Variants in TRAK1 observed in about 807,000 individuals in gnomAD.
TRAK1 encodes the protein trafficking kinesin-binding protein 1.
A neutral mutation model predicts 92.1 loss-of-function variants in TRAK1; 33 were observed. That is an observed-to-expected ratio of 0.36 (90% CI 0.27 to 0.48). The LOEUF is 0.48. Among genes scored for constraint, TRAK1 ranks in the 20% least tolerant of loss-of-function variants. TRAK1 has a pLI of 0.99. For synonymous variants in TRAK1, 521 were observed against 517.3 expected, an observed-to-expected ratio of 1.01 and a Z score of -0.10; for missense variants, 1,123 against 1,257.9, an observed-to-expected ratio of 0.89 and a Z score of 1.62.
rs1182611150 is a variant in TRAK1, at chr3:42,202,656, C to T, written c.1648C>T (p.His550Tyr). 1 of 1,613,122 alleles carries T rather than the reference C, an allele frequency of 6.2e-7. No individual in the cohort carries two copies. The highest frequency in any genetic ancestry group is 1.3e-5 in the African/African-American group (1 of 74,940). The change falls in exon 13 of 16, where the codon CAC (histidine) becomes TAC (tyrosine). Residue 550 changes from histidine (H) to tyrosine (Y), a missense_variant. Physicochemically the swap from His to Tyr is moderately conservative, Grantham distance 83 (BLOSUM62 2). Transcript: ENST00000327628. This position sits in a 1 kb window ranked among gnomAD's most constrained non-coding sequence, Gnocchi z 6.1. Reference protein sequence around the residue: ...PTESIMSLGTHSRFSEFTGFS... With the variant: ...PTESIMSLGTYSRFSEFTGFS... ...TGAGAGCATCATGTCCCTGGGCACG[C>T]ACTCCCGCTTCTCCGAGTTCACCGG...
chr3:42,037,246 A>G (rs931471192), intron 1 of TRAK1, among the ~76,000 whole-genome samples: 1 of 152,256 alleles, frequency 6.6e-6, no homozygotes, highest in African/African-American at 2.4e-5. Context: ...GTAACTGATT[A>G]GATAAGGTTC....
intron 1 of TRAK1, among the ~76,000 whole-genome samples, chr3:42,020,371 C>T (rs1004485936): frequency 6.6e-6 from 1 of 152,126 alleles, no homozygotes; most frequent in African/African-American, 2.4e-5. Context: ...ATAATTGTGC[C>T]TGTTTTGGGC....
chr3:42,217,083 T>TTCTC (rs1178020508), intron 14 of TRAK1, among the ~76,000 whole-genome samples: 2 of 150,996 alleles, frequency 1.3e-5, no homozygotes, highest in South Asian at 2.1e-4. Context: ...TGTTTTATGT[T>TTCTC]TCTCTCTCTC....
At chr3:42,128,409 A>G (rs759585066) in intron 2 of TRAK1, among the ~76,000 whole-genome samples, 1 of 152,176 alleles carries the variant, frequency 6.6e-6, no homozygotes, top group Non-Finnish European at 1.5e-5. Context: ...TTAATTCTGT[A>G]TCTTCTGTGG....
chr3:42,077,424 G>T (rs1187643286), intron 1 of TRAK1, among the ~76,000 whole-genome samples: 1 of 152,156 alleles, frequency 6.6e-6, no homozygotes, highest in Non-Finnish European at 1.5e-5. Context: ...AAGTAGCTGG[G>T]ATTACAGATG....
chr3:42,043,374 T>A (rs1372371769), intron 1 of TRAK1, among the ~76,000 whole-genome samples: 2 of 151,586 alleles, frequency 1.3e-5, no homozygotes, highest in Non-Finnish European at 1.5e-5. Context: ...TCCCTCACCC[T>A]CTTCTTTCCC....
intron 1 of TRAK1, among the ~76,000 whole-genome samples, chr3:42,056,841 T>C (rs1267329903): frequency 2.0e-5 from 3 of 152,268 alleles, no homozygotes; most frequent in Non-Finnish European, 2.9e-5. Flanking sequence ...TAGGCTATTC[T>C]ACATCCTTCT....
At chr3:42,182,417 C>CAG (rs1704150756) in intron 3 of TRAK1, among the ~76,000 whole-genome samples, 1 of 151,880 alleles carries the variant, frequency 6.6e-6, no homozygotes, top group African/African-American at 2.4e-5. Flanking sequence ...CTCAGCCTCC[C>CAG]GAGTCGCTGG....
chr3:42,059,009 T>C (rs1030693323), intron 1 of TRAK1, among the ~76,000 whole-genome samples: 1 of 152,256 alleles, frequency 6.6e-6, no homozygotes, highest in African/African-American at 2.4e-5. Context: ...TCCAGGTGTG[T>C]ATGCATGCGT....
chr3:42,030,373 AT>A (rs1232678106), intron 1 of TRAK1, among the ~76,000 whole-genome samples: 789 of 18,048 alleles, frequency 0.044, 8 homozygotes, highest in African/African-American at 0.073. Flanking sequence ...AAAAAAAAAA[AT>A]ATATATATAT....
At chr3:42,207,473 G>A (rs1164350915) in intron 13 of TRAK1, among the ~76,000 whole-genome samples, 1 of 152,140 alleles carries the variant, frequency 6.6e-6, no homozygotes, top group Non-Finnish European at 1.5e-5. Flanking sequence ...AAATGGGTTA[G>A]TTCTGAACCC....
chr3:42,035,568 C>T (rs75724733), intron 1 of TRAK1, among the ~76,000 whole-genome samples: 1,823 of 152,332 alleles, frequency 0.012, 18 homozygotes, highest in Non-Finnish European at 0.02. Flanking sequence ...GGAACCAGTA[C>T]GTTTTCCTGA....
chr3:42,187,405 T>A (rs752983788), intron 4 of TRAK1, among the ~76,000 whole-genome samples: 38 of 152,348 alleles, frequency 2.5e-4, no homozygotes, highest in Admixed American at 5.9e-4. Flanking sequence ...TTCTGGCTAT[T>A]TGCCCAGCTG....
intron 1 of TRAK1, among the ~76,000 whole-genome samples, chr3:42,109,144 T>C (rs748775590): frequency 4.6e-5 from 7 of 152,196 alleles, no homozygotes; most frequent in Admixed American, 6.5e-5. Context: ...TTCATTCTTA[T>C]GTCAAACGGG....
intron 1 of TRAK1, among the ~76,000 whole-genome samples, chr3:42,066,571 A>G (rs1703691045): frequency 6.6e-6 from 1 of 150,512 alleles, no homozygotes; most frequent in Non-Finnish European, 1.5e-5. Flanking sequence ...CCCAGCAAGG[A>G]CCAGTGAGGA....
chr3:42,070,426 ATTG>A (rs1481195581), intron 1 of TRAK1, among the ~76,000 whole-genome samples: 14 of 150,528 alleles, frequency 9.3e-5, no homozygotes, highest in East Asian at 2.0e-4. Flanking sequence ...ACTGAATTTT[ATTG>A]TTGTTGCTGT....
At chr3:42,056,813 C>A (rs1703222655) in intron 1 of TRAK1, among the ~76,000 whole-genome samples, 1 of 152,070 alleles carries the variant, frequency 6.6e-6, no homozygotes, top group Non-Finnish European at 1.5e-5. Context: ...GTCCTTTTTT[C>A]TGCCCCGATT....
chr3:42,173,905 A>G (rs1702872769), intron 2 of TRAK1, among the ~76,000 whole-genome samples: 1 of 152,054 alleles, frequency 6.6e-6, no homozygotes, highest in South Asian at 2.1e-4. Flanking sequence ...TGTTATTTTG[A>G]CATTTGCCAC....
chr3:42,017,650 A>C (rs1181901388), intron 1 of TRAK1, among the ~76,000 whole-genome samples: 1 of 152,240 alleles, frequency 6.6e-6, no homozygotes, highest in Non-Finnish European at 1.5e-5. Context: ...CCTGAGTTAC[A>C]CAGAATACCA....
Sources: gnomAD v4.1 joint callset for allele counts (sites outside exome capture counted in the v4.1 genomes callset) on GRCh38, gnomAD v4.1.1 for gene constraint, Gnocchi (gnomAD v3.1) non-coding constraint, MANE v1.5 for transcripts, NCBI Gene and HGNC (gene_info 2026-07-23, HGNC 2026-07-21) for gene names.